Variants in ERBB4 observed in about 807,000 individuals in gnomAD.
ERBB4 encodes erb-b2 receptor tyrosine kinase 4.
Under a neutral mutation model 158.0 loss-of-function variants are expected in ERBB4, and 42 were observed. The ratio of observed to expected loss-of-function variants is 0.27; its 90% CI spans 0.21 to 0.34. ERBB4 has a LOEUF of 0.34. ERBB4 is among the 10% of genes least tolerant of loss of function. The pLI, the probability that ERBB4 is intolerant of heterozygous loss-of-function variation, is 1.00. For missense variants in ERBB4, 1,333 were observed against 1,624.1 expected, an observed-to-expected ratio of 0.82 and a Z score of 3.08; for synonymous variants, 583 against 558.7, an observed-to-expected ratio of 1.04 and a Z score of -0.61.
At chr2:211,839,285 C>T (rs1385116866) in intron 3 of ERBB4, among the ~76,000 whole-genome samples, 16 of 151,624 alleles carry the variant, frequency 1.1e-4, no homozygotes, top group Admixed American at 8.6e-4. Context: ...ACCCTTCACG[C>T]TCATATTTCT....
chr2:211,456,596 A>G (rs892763170), intron 20 of ERBB4, among the ~76,000 whole-genome samples: 4 of 152,178 alleles, frequency 2.6e-5, no homozygotes, highest in Admixed American at 2.0e-4. Context: ...CAAAATTTAT[A>G]TAAATATATG....
intron 1 of ERBB4, among the ~76,000 whole-genome samples, chr2:212,313,962 T>C (rs2087157208): frequency 6.6e-6 from 1 of 151,052 alleles, no homozygotes; most frequent in South Asian, 2.1e-4. Context: ...CATCCCACAA[T>C]TTAAACAATC....
intron 20 of ERBB4, among the ~76,000 whole-genome samples, chr2:211,437,168 TCTGA>T (rs147257743): frequency 0.02 from 2,992 of 152,296 alleles, 91 homozygotes; most frequent in African/African-American, 0.067. Flanking sequence ...CTATTCATAA[TCTGA>T]CTATTTTTTA....
chr2:212,249,122 T>C (rs2084425281), intron 1 of ERBB4, among the ~76,000 whole-genome samples: 2 of 152,076 alleles, frequency 1.3e-5, no homozygotes, highest in South Asian at 4.1e-4. Context: ...TAGCACTCAC[T>C]GACTTGGCTT....
intron 20 of ERBB4, among the ~76,000 whole-genome samples, chr2:211,502,986 G>A (rs1323615842): frequency 6.6e-6 from 1 of 152,034 alleles, no homozygotes; most frequent in Non-Finnish European, 1.5e-5. Flanking sequence ...AGGACACCGT[G>A]GTTGAAGAGG....
chr2:212,118,053 A>T (rs565089124), intron 2 of ERBB4, among the ~76,000 whole-genome samples: 2 of 152,316 alleles, frequency 1.3e-5, no homozygotes, highest in African/African-American at 4.8e-5. Context: ...GCCCGGACAC[A>T]GAGTTAAAAG....
chr2:212,130,939 T>A (rs2080089796), intron 1 of ERBB4, among the ~76,000 whole-genome samples: 1 of 152,210 alleles, frequency 6.6e-6, no homozygotes. Flanking sequence ...TTAACACCAA[T>A]AAGTACTTTC....
chr2:212,003,381 G>C (rs991037393), intron 2 of ERBB4, among the ~76,000 whole-genome samples: 6 of 149,256 alleles, frequency 4.0e-5, no homozygotes, highest in African/African-American at 1.5e-4. Flanking sequence ...GAGCTAAAGC[G>C]TTTTTTCGTA....
chr2:212,072,264 G>T (rs1458694577), intron 2 of ERBB4, among the ~76,000 whole-genome samples: 3 of 151,904 alleles, frequency 2.0e-5, no homozygotes, highest in African/African-American at 7.2e-5. Context: ...TTTTATAATT[G>T]ATTAGACAAA....
In ERBB4 at chr2:211,829,059, T is replaced by C. The variant is rs144599712; in HGVS notation, c.422-40900A>G. 6.0e-4 allele frequency among the ~76,000 whole-genome samples: 92 copies of C among 152,284 alleles called. 1 individual carries two copies. Among genetic ancestry groups the C allele is most frequent in the Middle Eastern group, 6.8e-3 (2 of 294 alleles). On this transcript the variant is annotated intron_variant, in intron 3 of 27. Transcript: ENST00000342788. ...ATGAAGCATTCTCATATTGGAGCCA[T>C]GCATGGTTTCCTTTACTTTCATTAG...
At chr2:211,981,500 G>T (rs915169286) in intron 2 of ERBB4, among the ~76,000 whole-genome samples, 2 of 152,138 alleles carry the variant, frequency 1.3e-5, no homozygotes, top group Non-Finnish European at 2.9e-5. Flanking sequence ...AAGGCCATTT[G>T]GAATCTGTCT....
At chr2:211,483,114 T>C (rs1333533551) in intron 20 of ERBB4, among the ~76,000 whole-genome samples, 1 of 151,862 alleles carries the variant, frequency 6.6e-6, no homozygotes, top group African/African-American at 2.4e-5. Flanking sequence ...AGCAGATTAA[T>C]ATTGCAGAAA....
At chr2:211,551,392 G>T (rs551758196) in intron 20 of ERBB4, among the ~76,000 whole-genome samples, 1 of 152,194 alleles carries the variant, frequency 6.6e-6, no homozygotes, top group African/African-American at 2.4e-5. Context: ...GATTTTAAGG[G>T]TGTATTGTCA....
chr2:211,591,111 A>G (rs2068447880), intron 19 of ERBB4, among the ~76,000 whole-genome samples: 1 of 152,236 alleles, frequency 6.6e-6, no homozygotes, highest in South Asian at 2.1e-4. Flanking sequence ...CTACCCAGCA[A>G]ATTAATAAAG....
chr2:211,399,175 T>A (rs2062982521), intron 25 of ERBB4, among the ~76,000 whole-genome samples: 1 of 152,248 alleles, frequency 6.6e-6, no homozygotes, highest in Non-Finnish European at 1.5e-5. Flanking sequence ...GAACCCATTA[T>A]ATGCCCCATG....
intron 19 of ERBB4, among the ~76,000 whole-genome samples, chr2:211,610,606 C>A (rs2069157761): frequency 6.6e-6 from 1 of 152,102 alleles, no homozygotes; most frequent in Admixed American, 6.6e-5. Flanking sequence ...GGTTGCTGTT[C>A]AGATTGGAAT....
At chr2:212,376,713 T>C (rs1441522189) in intron 1 of ERBB4, among the ~76,000 whole-genome samples, 2 of 152,152 alleles carry the variant, frequency 1.3e-5, no homozygotes, top group South Asian at 2.1e-4. Context: ...TTGACATTCT[T>C]AAATTCCTAG....
chr2:212,538,309 G>T, intron 1 of ERBB4, 140 bp downstream of exon 1: 1 of 764,318 alleles, frequency 1.3e-6, no homozygotes, highest in South Asian at 1.4e-5. Context: ...AAAGAGGGGT[G>T]ACCGAAAGCC....
intron 7 of ERBB4, among the ~76,000 whole-genome samples, chr2:211,714,188 T>C (rs1369748123): frequency 1.3e-5 from 2 of 152,228 alleles, no homozygotes; most frequent in African/African-American, 4.8e-5. Context: ...GGAAAAGGTA[T>C]ATCAAATAGA....
Sources: allele counts gnomAD v4.1 joint callset (sites outside exome capture counted in the v4.1 genomes callset), GRCh38; gene constraint gnomAD v4.1.1; transcripts MANE v1.5; gene names NCBI Gene and HGNC (gene_info 2026-07-23, HGNC 2026-07-21).